RNF38: variants seen among roughly 807,000 people sequenced by gnomAD.
RNF38 encodes the protein ring finger protein 38.
RNF38 carries 15 observed loss-of-function variants against 67.2 expected under a neutral mutation model. That is an observed-to-expected ratio of 0.22 (90% confidence interval 0.15 to 0.34). RNF38 has a LOEUF of 0.34. RNF38 is among the 10% of genes least tolerant of loss of function. The pLI is 1.00. For synonymous variants in RNF38, 220 were observed against 218.8 expected (o/e 1.01, Z -0.05); for missense variants, 524 against 639.9 (o/e 0.82, Z 1.95).
At position 36,480,778 on chromosome 9, in the gene RNF38, G is replaced by A. The variant is rs532898331; in HGVS notation, n.241+6530C>T. Among the ~76,000 whole-genome samples, 10 of 150,580 alleles carry A rather than the reference G, an allele frequency of 6.6e-5. No individual in the cohort carries two copies. The South Asian group carries it at 2.1e-3, about 32-fold the overall frequency. On this transcript the variant is annotated intron_variant and non_coding_transcript_variant, in intron 1 of 3. Transcript: ENST00000488058. ...TGTTGCCCAGGCTGGTCTCAAACTCGAGCTCAAGTTATCCACCCGCCTTGG... is the reference window on the plus strand; with the variant it reads ...TGTTGCCCAGGCTGGTCTCAAACTCAAGCTCAAGTTATCCACCCGCCTTGG...
chr9:36,362,900 G>A (rs10972869), intron 4 of RNF38, among the ~76,000 whole-genome samples: 28,539 of 79,678 alleles, frequency 0.36, 7,506 homozygotes, highest in Non-Finnish European at 0.51. Context: ...CCAAAGTGCT[G>A]GGATTACAAG....
chr9:36,478,512 T>C (rs1840177382), intron 1 of RNF38, among the ~76,000 whole-genome samples: 1 of 144,270 alleles, frequency 6.9e-6, no homozygotes, highest in Admixed American at 6.9e-5. Flanking sequence ...AATGTAAGTA[T>C]TTAAAAAAAA....
Position 36,395,105 on chromosome 9 carries a change from G to A in RNF38, c.13-4489C>T, listed in dbSNP as rs1424228683. ...CTATTTCACAAAACTAAAGTTTACAGAAAACAGTTTAACCTTTTAAGCATC... is the reference window on the plus strand; with the variant it reads ...CTATTTCACAAAACTAAAGTTTACAAAAAACAGTTTAACCTTTTAAGCATC... On this transcript the variant is annotated intron_variant, in intron 1 of 11. Coordinates refer to ENST00000259605, the MANE Select transcript of RNF38 (RefSeq NM_022781.5). Among the ~76,000 whole-genome samples, 5 of 152,304 alleles carry A rather than the reference G, an allele frequency of 3.3e-5. No homozygotes were observed. The East Asian group carries it at 9.6e-4, about 29-fold the overall frequency.
intron 2 of RNF38, among the ~76,000 whole-genome samples, chr9:36,413,249 A>T (rs1029260465): frequency 6.6e-6 from 1 of 151,308 alleles, no homozygotes. Flanking sequence ...AAAAAAAAAA[A>T]GCATGGCATC....
chr9:36,368,102 C>CT (rs1321649926), intron 4 of RNF38, among the ~76,000 whole-genome samples: 2 of 152,196 alleles, frequency 1.3e-5, no homozygotes, highest in Non-Finnish European at 2.9e-5. Context: ...GATCCGCCTG[C>CT]TTCAGACTCC....
In RNF38 at chr9:36,473,088, C is replaced by A. The variant is rs545732919; in HGVS notation, n.241+14220G>T. ...CGGAAGCTGCAGTGAGCCAAGATCA[C>A]GCCATTGCACTCCAGCCTGGGTGAC... On this transcript the variant is annotated intron_variant and non_coding_transcript_variant, in intron 1 of 3. Transcript: ENST00000488058. Among the ~76,000 whole-genome samples the A allele has an allele frequency of 9.2e-4, 139 of 151,830 alleles. 1 individual carries two copies. The highest frequency in any genetic ancestry group is 3.4e-3 in the Admixed American group (52 of 15,254).
intron 2 of RNF38, among the ~76,000 whole-genome samples, chr9:36,420,015 A>G (rs1045147319): frequency 6.6e-6 from 1 of 152,128 alleles, no homozygotes; most frequent in African/African-American, 2.4e-5. Flanking sequence ...CCACTTGCAG[A>G]TATGTTTCTC....
chr9:36,401,198 GGGGGC>G (rs760862263), upstream of RNF38: 12,837 of 970,530 alleles, frequency 0.013, 103 homozygotes, highest in South Asian at 0.02. Flanking sequence ...CGAGGGGGAA[GGGGGC>G]GGGGCGGGGC....
intron 4 of RNF38, among the ~76,000 whole-genome samples, chr9:36,361,467 T>G (rs1049712394): frequency 4.6e-5 from 7 of 152,126 alleles, no homozygotes; most frequent in African/African-American, 1.4e-4. Context: ...CTGGCCAGAT[T>G]GTATAGCCAT....
At chr9:36,431,806 C>T (rs999957053) in intron 1 of RNF38, among the ~76,000 whole-genome samples, 3 of 152,172 alleles carry the variant, frequency 2.0e-5, no homozygotes, top group African/African-American at 7.2e-5. Flanking sequence ...GTTGAAAGTT[C>T]CAACACTCAA....
At position 36,444,281 on chromosome 9, in the gene RNF38, G is replaced by T. The variant is rs924197272; in HGVS notation, n.242-19598C>A. Among the ~76,000 whole-genome samples, 5 of 152,142 alleles carry T rather than the reference G, an allele frequency of 3.3e-5. No homozygotes were observed. The South Asian group carries it at 6.2e-4, about 19-fold the overall frequency. ...CAGTTCACTGAAACCAAAGGCAAAG[G>T]GTTTCAAGAAAAAAAAATGAGGGTT... is the stretch of plus-strand genomic sequence containing the variant. On this transcript the variant is annotated intron_variant and non_coding_transcript_variant, in intron 1 of 3. Coordinates refer to the RNF38 transcript ENST00000488058.
intron 1 of RNF38, among the ~76,000 whole-genome samples, chr9:36,473,448 C>G (rs1368385110): frequency 1.3e-5 from 2 of 151,928 alleles, no homozygotes; most frequent in African/African-American, 4.8e-5. Context: ...ATTAGCCAGG[C>G]ATGGTGGTGC....
intron 2 of RNF38, among the ~76,000 whole-genome samples, chr9:36,419,999 C>T (rs373434242): frequency 6.6e-6 from 1 of 152,016 alleles, no homozygotes; most frequent in East Asian, 1.9e-4. Flanking sequence ...CTCTCTGAGG[C>T]CTTCTCCACT....
intron 2 of RNF38, among the ~76,000 whole-genome samples, chr9:36,409,658 T>A (rs1838274454): frequency 6.6e-6 from 1 of 152,228 alleles, no homozygotes; most frequent in South Asian, 2.1e-4. Context: ...CTTGCATTCA[T>A]GAAATGTGAC....
rs1315594881 is a variant in RNF38 at position 36,338,033 on chromosome 9, C to G, written c.*1719G>C. ...CAAGTAGTTAACACTGAATGGAAAA[C>G]TGACACAGAGCCAACTGAAAGTTGA... On this transcript the variant is annotated 3_prime_UTR_variant, in exon 12 of 12. Transcript: ENST00000259605. 2 of 152,650 alleles carry G rather than the reference C, an allele frequency of 1.3e-5. No homozygotes were observed. The highest frequency in any genetic ancestry group is 6.5e-5 in the Admixed American group (1 of 15,282). 9.5% of individuals were successfully genotyped at this position (152,650 alleles called of 1,614,324 possible). A position where few individuals can be genotyped will look rare whatever the true frequency, so the allele number is the denominator to read the frequency against.
At chr9:36,434,265 G>A (rs1471767449) in intron 1 of RNF38, among the ~76,000 whole-genome samples, 1 of 121,960 alleles carries the variant, frequency 8.2e-6, no homozygotes, top group African/African-American at 3.1e-5. Flanking sequence ...GGGGAGAGGG[G>A]AGGGGGGGAA....
At chr9:36,451,706 G>C (rs1430303520) in intron 1 of RNF38, among the ~76,000 whole-genome samples, 1 of 151,166 alleles carries the variant, frequency 6.6e-6, no homozygotes, top group Admixed American at 6.6e-5. Context: ...CTCCATGTTA[G>C]TCAGGCTGGT....
chr9:36,487,352 G>A (rs1326694869), exon 1 of RNF38: 1 of 984,690 alleles, frequency 1.0e-6, no homozygotes, highest in Non-Finnish European at 1.2e-6. Context: ...CTGGGCTCCC[G>A]CCCGGAGAGG....
intron 10 of RNF38, 76 bp downstream of exon 10, chr9:36,344,756 C>T: frequency 7.0e-7 from 1 of 1,433,646 alleles, no homozygotes; most frequent in Non-Finnish European, 9.6e-7. Context: ...CAACTTTTAC[C>T]TTAATGACTC....
Sources: gnomAD v4.1 joint callset for allele counts (sites outside exome capture counted in the v4.1 genomes callset) on GRCh38, gnomAD v4.1.1 for gene constraint, MANE v1.5 for transcripts, NCBI Gene and HGNC (gene_info 2026-07-23, HGNC 2026-07-21) for gene names.